Variants in CRACD observed in about 807,000 individuals in gnomAD.
The protein encoded by CRACD is capping protein-inhibiting regulator of actin dynamics.
CRACD carries 56 observed loss-of-function variants against 106.8 expected under a neutral mutation model. The observed-to-expected ratio is 0.52, with a 90% CI of 0.42 to 0.66. The LOEUF (loss-of-function observed/expected upper bound fraction) is 0.66, where lower values mean the gene tolerates loss of function less well. Ranked by LOEUF, CRACD falls within the 30% of genes least tolerant of loss-of-function variation. CRACD has a pLI of 0.00. For synonymous variants in CRACD, 754 were observed against 670.8 expected (o/e 1.12, Z -1.92); for missense variants, 1,730 against 1,623.2 (o/e 1.07, Z -1.13).
rs775496623 is a variant in CRACD, at chr4:56,316,162, G to A, written c.2660G>A (p.Gly887Glu). The A allele has an allele frequency of 1.2e-6, 2 of 1,614,154 alleles. No homozygotes were observed. Among genetic ancestry groups the A allele is most frequent in the South Asian group, 1.1e-5 (1 of 91,082 alleles). Residue 887 changes from glycine to glutamate, a missense_variant, in exon 8 of 11, where the codon GGG becomes GAG. Around this residue, in one of 5 missense-constraint regions of CRACD, gnomAD observed 1,620 missense variants for 1,481.6 expected, o/e 1.09. Transcript: ENST00000682029. The part of the protein sequence containing the change: ...DSADAGPPAA[G>E]SARGEKEMEG... ...GCGGATGCAGGGCCGCCTGCAGCGGGGAGCGCTCGTGGAGAGAAAGAGATG... is the reference window on the plus strand; with the variant it reads ...GCGGATGCAGGGCCGCCTGCAGCGGAGAGCGCTCGTGGAGAGAAAGAGATG...
intron 1 of CRACD, among the ~76,000 whole-genome samples, chr4:56,067,159 A>C (rs1348538964): frequency 6.6e-6 from 1 of 152,126 alleles, no homozygotes; most frequent in Non-Finnish European, 1.5e-5. Context: ...TTTCTTATAG[A>C]ATATTAGGAA....
intron 1 of CRACD, among the ~76,000 whole-genome samples, chr4:56,137,275 G>GAA (rs33967264): frequency 7.1e-6 from 1 of 141,450 alleles, no homozygotes; most frequent in Non-Finnish European, 1.6e-5. Context: ...CTGCTTCAAA[G>GAA]AAAAAAAAAA....
At chr4:56,057,836 T>TC (rs1732138160) in intron 1 of CRACD, among the ~76,000 whole-genome samples, 1 of 64,468 alleles carries the variant, frequency 1.6e-5, no homozygotes, top group Admixed American at 1.3e-4. Context: ...TTTTTTTTTT[T>TC]GAGACGGAGT....
intron 3 of CRACD, among the ~76,000 whole-genome samples, chr4:56,292,498 C>T (rs1397888860): frequency 1.3e-5 from 2 of 151,900 alleles, no homozygotes; most frequent in Non-Finnish European, 2.9e-5. Context: ...CAGGTGAGTC[C>T]TCTCTGGAAG....
intron 7 of CRACD, 81 bp from the exon 8 acceptor site, chr4:56,313,959 C>G: frequency 6.6e-7 from 1 of 1,515,882 alleles, no homozygotes; most frequent in Non-Finnish European, 8.9e-7. Flanking sequence ...TTAAGAGGGT[C>G]GCTGGCACTG....
At chr4:56,087,629 A>G (rs1168598749) in intron 1 of CRACD, among the ~76,000 whole-genome samples, 1 of 152,130 alleles carries the variant, frequency 6.6e-6, no homozygotes, top group Non-Finnish European at 1.5e-5. Flanking sequence ...CCAAGTGTGC[A>G]TCACCATCCC....
intron 2 of CRACD, among the ~76,000 whole-genome samples, chr4:56,221,886 AC>A (rs1412909917): frequency 2.0e-5 from 3 of 152,162 alleles, no homozygotes; most frequent in Admixed American, 6.5e-5. Context: ...AAGTCAAAAA[AC>A]AGTAGATGTT....
At chr4:56,117,013 T>C (rs992346171) in intron 1 of CRACD, among the ~76,000 whole-genome samples, 1 of 149,160 alleles carries the variant, frequency 6.7e-6, no homozygotes, top group African/African-American at 2.5e-5. Context: ...TAGCCGAATT[T>C]TTAATTTTTT....
intron 1 of CRACD, among the ~76,000 whole-genome samples, chr4:56,105,607 G>A (rs1733925189): frequency 6.6e-6 from 1 of 152,202 alleles, no homozygotes; most frequent in South Asian, 2.1e-4. Context: ...TACATTATAA[G>A]CCAAGGTTAA....
At chr4:56,294,530 A>G (rs999733352) in intron 3 of CRACD, among the ~76,000 whole-genome samples, 1 of 152,226 alleles carries the variant, frequency 6.6e-6, no homozygotes, top group African/African-American at 2.4e-5. Context: ...AAAAGATTCA[A>G]TATTGTAAAA....
rs755766187 is a variant in CRACD at position 56,316,249 on chromosome 4, C to T, written c.2747C>T (p.Thr916Ile). Residue 916 changes from threonine to isoleucine, a missense_variant, in exon 8 of 11, where the codon ACC (threonine) becomes ATC (isoleucine). Coordinates refer to ENST00000682029, the MANE Select transcript of CRACD (RefSeq NM_001393381.1). ...CAAGAGCGGAAGCAAGCCCCTTCCACCCGGAGGGACTCCGCTGAACCTTCC... is the reference window on the plus strand; with the variant it reads ...CAAGAGCGGAAGCAAGCCCCTTCCATCCGGAGGGACTCCGCTGAACCTTCC... ...LPQERKQAPS[T>I]RRDSAEPSSS... The T allele has an allele frequency of 6.2e-7, 1 of 1,613,986 alleles. No individual in the cohort carries two copies. Among genetic ancestry groups the T allele is most frequent in the Admixed American group, 1.7e-5 (1 of 60,026 alleles).
intron 2 of CRACD, among the ~76,000 whole-genome samples, chr4:56,187,655 C>A (rs925025729): frequency 2.0e-5 from 3 of 152,040 alleles, no homozygotes; most frequent in South Asian, 2.1e-4. Flanking sequence ...CCATTTTAAT[C>A]TTCTTTTTCC....
At chr4:56,304,447 G>T in intron 4 of CRACD, among the ~76,000 whole-genome samples, 1 of 151,630 alleles carries the variant, frequency 6.6e-6, no homozygotes, top group South Asian at 2.1e-4. Flanking sequence ...TTAAGCATCA[G>T]GATGGACCAA....
chr4:56,294,958 A>G (rs1229248197), intron 3 of CRACD, among the ~76,000 whole-genome samples: 1 of 150,404 alleles, frequency 6.6e-6, no homozygotes, highest in African/African-American at 2.4e-5. Context: ...AAAGAAAAGA[A>G]AAGAAAGAAA....
At position 56,191,838 on chromosome 4, in the gene CRACD, T is replaced by C. The variant is rs928997370; in HGVS notation, c.-189+12408T>C. On this transcript the variant is annotated intron_variant, in intron 2 of 10. Transcript: ENST00000682029. ...ATGGATAAACTGTGAACTCTTTTTA[T>C]AGTAACCTTGGCAGTGATAATCAAA... is the stretch of plus-strand genomic sequence containing the variant. Among the ~76,000 whole-genome samples, 4 of 152,328 alleles carry C rather than the reference T, an allele frequency of 2.6e-5. 1 individual carries two copies. In the Middle Eastern group the frequency reaches 0.014, roughly 518 times the overall value.
In CRACD at chr4:56,232,700, CTTTATTTA is replaced by C. The variant is rs71666123; in HGVS notation, c.-188-39589_-188-39582del. On this transcript the variant is annotated intron_variant, in intron 2 of 10. Transcript: ENST00000682029. Reference sequence around the variant, plus strand: ...TAGCACTATAGTTTAAAACATGTATCTTTATTTATTTATTTATTTATTTATTTATTTAT... The same window carrying C: ...TAGCACTATAGTTTAAAACATGTATCTTTATTTATTTATTTATTTATTTAT... Among the ~76,000 whole-genome samples the C allele has an allele frequency of 2.4e-3, 338 of 141,642 alleles. 2 individuals carry two copies. Among genetic ancestry groups the C allele is most frequent in the African/African-American group, 7.8e-3 (300 of 38,328 alleles). The allele number at this position is 141,642 out of a possible 152,430, so 92.9% of individuals were successfully genotyped here.
intron 1 of CRACD, among the ~76,000 whole-genome samples, chr4:56,171,146 A>G (rs1445124418): frequency 6.6e-6 from 1 of 152,226 alleles, no homozygotes; most frequent in East Asian, 1.9e-4. Context: ...AGATCGTCTT[A>G]GAAAGACCAT....
intron 1 of CRACD, among the ~76,000 whole-genome samples, chr4:56,083,501 C>G (rs1733108834): frequency 6.6e-6 from 1 of 152,112 alleles, no homozygotes; most frequent in South Asian, 2.1e-4. Flanking sequence ...CCATCCCATA[C>G]CATACCCCAC....
At chr4:56,167,737 A>G (rs1736205883) in intron 1 of CRACD, among the ~76,000 whole-genome samples, 1 of 152,238 alleles carries the variant, frequency 6.6e-6, no homozygotes, top group Non-Finnish European at 1.5e-5. Flanking sequence ...CAAAACCAAT[A>G]TGTGGAAACA....
Sources: gnomAD v4.1 joint callset for allele counts (sites outside exome capture counted in the v4.1 genomes callset) on GRCh38, gnomAD v4.1.1 for gene constraint, gnomAD v4.1.1 regional missense constraint, MANE v1.5 for transcripts, NCBI Gene and HGNC (gene_info 2026-07-23, HGNC 2026-07-21) for gene names.